The following EDRF1 variants were observed in gnomAD, a reference collection of about 807,000 sequenced individuals.
EDRF1 encodes the protein erythroid differentiation-related factor 1.
A neutral mutation model predicts 148.7 loss-of-function variants in EDRF1; 69 were observed. That is an observed-to-expected ratio of 0.46 (90% confidence interval 0.38 to 0.57). The LOEUF (loss-of-function observed/expected upper bound fraction) is 0.57, where lower values mean the gene tolerates loss of function less well. Among genes scored for constraint, EDRF1 ranks in the 20% least tolerant of loss-of-function variants. The probability of loss-of-function intolerance (pLI) is 0.00; values close to 1 mark genes in which losing one functional copy is unlikely to be tolerated. For synonymous variants in EDRF1, 515 were observed against 532.8 expected, an observed-to-expected ratio of 0.97 and a Z score of 0.46; for missense variants, 1,118 against 1,478.7, an observed-to-expected ratio of 0.76 and a Z score of 4.00.
chr10:125,746,851 C>T (rs779779263), intron 19 of EDRF1: 1 of 152,182 alleles, frequency 6.6e-6, no homozygotes, highest in Non-Finnish European at 1.5e-5. Context: ...TATTAGATTG[C>T]CAAATTTTAT....
rs1850278266 is a variant in EDRF1, at chr10:125,763,475, G to T, written c.*3G>T. On this transcript the variant is annotated 3_prime_UTR_variant, in exon 25 of 25. Transcript: ENST00000356792. The surrounding 1 kb of genome is among the most constrained non-coding windows in gnomAD (Gnocchi z 4.3). ...CGAGCAGCAATGCCGTTCAGTGACT[G>T]CACAGAGCCGTGTCCCAGACACGCT... 2 of 1,605,266 alleles carry T rather than the reference G, an allele frequency of 1.2e-6. No individual in the cohort carries two copies. Among genetic ancestry groups the T allele is most frequent in the African/African-American group, 1.3e-5 (1 of 75,064 alleles).
Position 125,725,694 on chromosome 10 carries a change from T to C in EDRF1, c.648T>C (p.Asp216=). The C allele has an allele frequency of 6.2e-7, 1 of 1,614,126 alleles. No individual in the cohort carries two copies. The highest frequency in any genetic ancestry group is 8.5e-7 in the Non-Finnish European group (1 of 1,180,008). ...SKFLYYSING[D]GAAQPVSSTA... ...CTGGTTTGGCCAGTATCAATGGTGA[T>C]GGAGCCGCTCAGCCTGTCTCATCCA... Residue 216 remains aspartate (D), a synonymous_variant, in exon 6 of 25, where the codon GAT becomes GAC. Transcript: ENST00000356792.
chr10:125,739,281 C>G (rs1385528767), intron 15 of EDRF1, among the ~76,000 whole-genome samples: 1 of 152,090 alleles, frequency 6.6e-6, no homozygotes, highest in Non-Finnish European at 1.5e-5. Flanking sequence ...GCTGGTATGC[C>G]AGGCTTCGGC....
intron 10 of EDRF1, 21 bp downstream of exon 10, chr10:125,733,572 G>C (rs990699861): frequency 6.2e-7 from 1 of 1,607,418 alleles, no homozygotes; most frequent in African/African-American, 1.3e-5. Context: ...AATACTTCTT[G>C]AGTGAACAAT....
intron 13 of EDRF1, among the ~76,000 whole-genome samples, chr10:125,737,687 A>C (rs1022302385): frequency 1.3e-5 from 2 of 152,194 alleles, no homozygotes; most frequent in African/African-American, 4.8e-5. Flanking sequence ...GAGCTGACCT[A>C]TTAGATGATG....
At chr10:125,754,359 A>G (rs1476583324) in intron 24 of EDRF1, among the ~76,000 whole-genome samples, 1 of 152,250 alleles carries the variant, frequency 6.6e-6, no homozygotes, top group Non-Finnish European at 1.5e-5. Flanking sequence ...CTATGTATTG[A>G]AATTACAGAA....
At chr10:125,757,476 T>C (rs1849962750) in intron 24 of EDRF1, among the ~76,000 whole-genome samples, 1 of 152,238 alleles carries the variant, frequency 6.6e-6, no homozygotes, top group African/African-American at 2.4e-5. Flanking sequence ...CCTTATACAG[T>C]TATCTTTAAG....
chr10:125,729,246 T>A, intron 7 of EDRF1, 112 bp from the exon 8 acceptor site: 4 of 1,485,642 alleles, frequency 2.7e-6, no homozygotes, highest in Non-Finnish European at 3.7e-6. Flanking sequence ...ATCTTAGCTC[T>A]GGGGCCTGAC....
intron 22 of EDRF1, 116 bp downstream of exon 22, chr10:125,749,681 T>A: frequency 7.9e-7 from 1 of 1,259,234 alleles, no homozygotes. Context: ...ATTTGCCCCA[T>A]AGTTAATGAC....
At chr10:125,737,230 G>A (rs1346545136) in intron 13 of EDRF1, among the ~76,000 whole-genome samples, 3 of 152,210 alleles carry the variant, frequency 2.0e-5, no homozygotes, top group Non-Finnish European at 2.9e-5. Context: ...TAATGAGTTA[G>A]TGTCACTATT....
At chr10:125,751,990 C>T (rs182454944) in intron 22 of EDRF1, 1 of 152,386 alleles carries the variant, frequency 6.6e-6, no homozygotes, top group Admixed American at 6.5e-5. Flanking sequence ...CTCACCCAAG[C>T]CTTGGTGTCC....
At chr10:125,727,042 T>G (rs1848286522) in intron 6 of EDRF1, among the ~76,000 whole-genome samples, 1 of 152,224 alleles carries the variant, frequency 6.6e-6, no homozygotes, top group South Asian at 2.1e-4. Flanking sequence ...CAAGGTTTTT[T>G]TTTTCATTCT....
Position 125,738,007 on chromosome 10 carries a change from C to T in EDRF1, c.1830+18C>T, listed in dbSNP as rs1285494460. ...TTCTAGAGGTAAGTTTAAGTTTAGT[C>T]TTCACTTTTTTCGTAAAGTTTGTAC... On this transcript the variant is annotated intron_variant, in intron 14 of 24. Transcript: ENST00000356792. 2 of 1,610,996 alleles carry T rather than the reference C, an allele frequency of 1.2e-6. No homozygotes were observed. Among genetic ancestry groups the T allele is most frequent in the Admixed American group, 1.7e-5 (1 of 59,996 alleles).
chr10:125,738,519 G>A, intron 15 of EDRF1, 74 bp downstream of exon 15: 1 of 1,559,372 alleles, frequency 6.4e-7, no homozygotes, highest in East Asian at 2.2e-5. Context: ...GCAGACTTAT[G>A]TCAATTAAGG....
intron 8 of EDRF1, among the ~76,000 whole-genome samples, chr10:125,729,938 G>A (rs980059704): frequency 2.6e-5 from 4 of 152,174 alleles, no homozygotes; most frequent in Non-Finnish European, 5.9e-5. Context: ...GTTGATATTA[G>A]CCAATGTGAA....
intron 24 of EDRF1, among the ~76,000 whole-genome samples, chr10:125,755,310 C>CA (rs1791336350): frequency 6.6e-6 from 1 of 152,200 alleles, no homozygotes; most frequent in African/African-American, 2.4e-5. Context: ...GTTGATTCTT[C>CA]AGATGTTAAA....
chr10:125,751,419 T>G (rs1055935920), intron 22 of EDRF1, among the ~76,000 whole-genome samples: 1 of 152,000 alleles, frequency 6.6e-6, no homozygotes, highest in African/African-American at 2.4e-5. Flanking sequence ...TTTTTTTGTT[T>G]TTTTTTTCTA....
intron 6 of EDRF1, among the ~76,000 whole-genome samples, chr10:125,728,530 C>CT (rs909748097): frequency 1.3e-5 from 2 of 151,688 alleles, no homozygotes; most frequent in African/African-American, 4.8e-5. Flanking sequence ...CTTAGGGTTT[C>CT]TTTTTTTTAA....
intron 24 of EDRF1, among the ~76,000 whole-genome samples, chr10:125,762,183 A>C (rs1185726681): frequency 1.3e-5 from 2 of 152,226 alleles, no homozygotes; most frequent in Non-Finnish European, 2.9e-5. Context: ...GGAGCTCTGC[A>C]TGCTGGCTGC....
Sources: allele counts gnomAD v4.1 joint callset (sites outside exome capture counted in the v4.1 genomes callset), GRCh38; gene constraint gnomAD v4.1.1; non-coding constraint Gnocchi (gnomAD v3.1); transcripts MANE v1.5; gene names NCBI Gene and HGNC (gene_info 2026-07-23, HGNC 2026-07-21).